Variants in FSTL5 observed in about 807,000 individuals in gnomAD.
The protein encoded by FSTL5 is follistatin-related protein 5.
FSTL5 carries 62 observed loss-of-function variants against 89.1 expected under a neutral mutation model. The observed-to-expected ratio is 0.70, with a 90% CI of 0.57 to 0.86. The LOEUF is 0.86. Ranked by LOEUF, FSTL5 falls within the 40% of genes least tolerant of loss-of-function variation. The pLI is 0.00. For synonymous variants in FSTL5, 383 were observed against 346.2 expected, an observed-to-expected ratio of 1.11 and a Z score of -1.18; for missense variants, 1,057 against 1,001.6, an observed-to-expected ratio of 1.06 and a Z score of -0.75.
intron 4 of FSTL5, among the ~76,000 whole-genome samples, chr4:161,917,120 T>C (rs530223981): frequency 2.0e-5 from 3 of 152,104 alleles, no homozygotes; most frequent in African/African-American, 7.2e-5. Context: ...ACCTGACTAA[T>C]TTTTTTGTAT....
chr4:161,413,273 A>G (rs1399956453), intron 15 of FSTL5, among the ~76,000 whole-genome samples: 1 of 56,330 alleles, frequency 1.8e-5, no homozygotes, highest in African/African-American at 5.2e-5. Flanking sequence ...AAAAAAAAAA[A>G]AAAAAAAAAA....
intron 1 of FSTL5, among the ~76,000 whole-genome samples, chr4:162,112,363 C>T (rs1443492457): frequency 6.6e-6 from 1 of 152,148 alleles, no homozygotes; most frequent in East Asian, 1.9e-4. Flanking sequence ...CTGTCTCAGC[C>T]TCCCCAGTAG....
intron 10 of FSTL5, among the ~76,000 whole-genome samples, chr4:161,518,536 T>C (rs1730918684): frequency 6.6e-6 from 1 of 152,174 alleles, no homozygotes; most frequent in African/African-American, 2.4e-5. Context: ...GATGCATCTC[T>C]GGCTGCTTCA....
chr4:161,423,723 C>A (rs556269107), intron 15 of FSTL5, among the ~76,000 whole-genome samples: 1 of 152,146 alleles, frequency 6.6e-6, no homozygotes, highest in South Asian at 2.1e-4. Context: ...AATGAAAATA[C>A]CTTCTTCCAG....
chr4:161,842,269 C>T (rs964662076), intron 4 of FSTL5, among the ~76,000 whole-genome samples: 4 of 152,112 alleles, frequency 2.6e-5, no homozygotes, highest in African/African-American at 9.7e-5. Context: ...TTTCAAACAT[C>T]TGTTCTTCTA....
At chr4:161,763,071 A>G (rs1040328599) in intron 5 of FSTL5, among the ~76,000 whole-genome samples, 1 of 152,138 alleles carries the variant, frequency 6.6e-6, no homozygotes, top group Non-Finnish European at 1.5e-5. Context: ...AAAAAACTTG[A>G]CCATCCGCAA....
At chr4:161,525,694 G>A (rs1279895965) in intron 10 of FSTL5, among the ~76,000 whole-genome samples, 1 of 152,120 alleles carries the variant, frequency 6.6e-6, no homozygotes, top group Non-Finnish European at 1.5e-5. Context: ...CAAGGCATAG[G>A]AAAAATTAAC....
At chr4:161,411,229 T>C (rs190926976) in intron 15 of FSTL5, among the ~76,000 whole-genome samples, 5 of 152,274 alleles carry the variant, frequency 3.3e-5, no homozygotes, top group African/African-American at 4.8e-5. Flanking sequence ...CCTGACCAGA[T>C]GATTCACAGC....
chr4:161,777,416 G>A (rs1338315672), intron 4 of FSTL5, among the ~76,000 whole-genome samples: 1 of 151,858 alleles, frequency 6.6e-6, no homozygotes, highest in Admixed American at 6.6e-5. Context: ...ATCCAGCAGT[G>A]GGATTGCCTG....
At chr4:161,845,555 C>T (rs1731340700) in intron 4 of FSTL5, among the ~76,000 whole-genome samples, 1 of 152,166 alleles carries the variant, frequency 6.6e-6, no homozygotes, top group Admixed American at 6.5e-5. Flanking sequence ...TATTTATAAC[C>T]TCTGAATACA....
intron 3 of FSTL5, among the ~76,000 whole-genome samples, chr4:162,011,498 T>C (rs111837440): frequency 1.0e-3 from 151 of 151,496 alleles, no homozygotes; most frequent in African/African-American, 2.7e-3. Flanking sequence ...TTATTTTACT[T>C]TTTTTTTTCT....
intron 1 of FSTL5, among the ~76,000 whole-genome samples, chr4:162,151,806 T>A (rs1430800891): frequency 6.6e-6 from 1 of 152,158 alleles, no homozygotes; most frequent in African/African-American, 2.4e-5. Flanking sequence ...TTTTGCAACT[T>A]CAAAAAGTTA....
At chr4:161,724,374 G>T (rs1186110444) in intron 6 of FSTL5, among the ~76,000 whole-genome samples, 2 of 151,992 alleles carry the variant, frequency 1.3e-5, no homozygotes, top group Non-Finnish European at 2.9e-5. Context: ...TCAAAAAAAC[G>T]CATCATGTTC....
intron 6 of FSTL5, among the ~76,000 whole-genome samples, chr4:161,698,537 G>A (rs1365987667): frequency 1.3e-5 from 2 of 152,294 alleles, no homozygotes; most frequent in Middle Eastern, 3.4e-3. Flanking sequence ...TGAAATTAGT[G>A]TGGAGAAACA....
In FSTL5 at chr4:161,479,666, C is replaced by A. The variant is rs185307580; in HGVS notation, c.1608+1354G>T. On this transcript the variant is annotated intron_variant, in intron 13 of 15. Transcript: ENST00000306100. ...ATTTTTTCTCACAATAAATATCAGA[C>A]CATTAGATTGTATATTCATAAAAAA... 3.1e-3 allele frequency among the ~76,000 whole-genome samples: 472 copies of A among 152,142 alleles called. 1 individual carries two copies. The highest frequency in any genetic ancestry group is 5.0e-3 in the Non-Finnish European group (340 of 67,960).
intron 1 of FSTL5, among the ~76,000 whole-genome samples, chr4:162,144,162 T>G (rs17042068): frequency 0.19 from 28,980 of 152,062 alleles, 2,974 homozygotes; most frequent in Non-Finnish European, 0.21. Context: ...GAGACTGGTC[T>G]GCGGGAGATA....
chr4:161,699,311 C>G (rs1325523752), intron 6 of FSTL5, among the ~76,000 whole-genome samples: 1 of 152,114 alleles, frequency 6.6e-6, no homozygotes, highest in African/African-American at 2.4e-5. Context: ...ATGCAAATGG[C>G]TATAGAAATA....
intron 7 of FSTL5, among the ~76,000 whole-genome samples, chr4:161,615,292 T>TAAAAAAA (rs1734814566): frequency 8.8e-5 from 1 of 11,422 alleles, no homozygotes; most frequent in Non-Finnish European, 1.4e-4. Flanking sequence ...AGACTCTGTC[T>TAAAAAAA]CAAAAAAAAA....
intron 4 of FSTL5, among the ~76,000 whole-genome samples, chr4:161,855,301 G>T (rs2126884810): frequency 6.6e-6 from 1 of 152,170 alleles, no homozygotes; most frequent in South Asian, 2.1e-4. Context: ...GAGCTACTCT[G>T]TATTCCCTTG....
Sources: gnomAD v4.1 joint callset for allele counts (sites outside exome capture counted in the v4.1 genomes callset) on GRCh38, gnomAD v4.1.1 for gene constraint, MANE v1.5 for transcripts, NCBI Gene and HGNC (gene_info 2026-07-23, HGNC 2026-07-21) for gene names.